MMRN1: variants seen among roughly 807,000 people sequenced by gnomAD.
The protein encoded by MMRN1 is multimerin-1.
MMRN1 carries 94 observed loss-of-function variants against 100.7 expected under a neutral mutation model. The ratio of observed to expected loss-of-function variants is 0.93; its 90% CI spans 0.79 to 1.11. MMRN1 has a LOEUF of 1.11. Ranked by LOEUF, MMRN1 falls within the 50% of genes least tolerant of loss-of-function variation. The pLI is 0.00. For missense variants in MMRN1, 1,606 were observed against 1,439.1 expected (o/e 1.12, Z -1.88); for synonymous variants, 575 against 505.0 (o/e 1.14, Z -1.86).
At chr4:89,908,946 A>G (rs1021643087) in intron 1 of MMRN1, among the ~76,000 whole-genome samples, 1 of 151,218 alleles carries the variant, frequency 6.6e-6, no homozygotes, top group Non-Finnish European at 1.5e-5. Context: ...TGAGTTTTTT[A>G]TCTCAGTACT....
chr4:89,944,457 A>AAAAAATT (rs1392565851), intron 6 of MMRN1, among the ~76,000 whole-genome samples: 7 of 152,240 alleles, frequency 4.6e-5, no homozygotes, highest in African/African-American at 1.7e-4. Flanking sequence ...AAGTTTGTCC[A>AAAAAATT]AAAAATTAAA....
intron 1 of MMRN1, among the ~76,000 whole-genome samples, chr4:89,884,835 A>G (rs1720902397): frequency 6.6e-6 from 1 of 152,066 alleles, no homozygotes; most frequent in Admixed American, 6.6e-5. Flanking sequence ...AGCACTTTAC[A>G]TTTTCCTTTC....
At chr4:89,938,002 T>G (rs959842066) in intron 6 of MMRN1, among the ~76,000 whole-genome samples, 63 of 152,222 alleles carry the variant, frequency 4.1e-4, no homozygotes, top group African/African-American at 1.4e-3. Flanking sequence ...CAAAAAGTAA[T>G]GGCTGTGTTT....
intron 1 of MMRN1, among the ~76,000 whole-genome samples, chr4:89,901,054 T>C (rs1302228604): frequency 2.0e-5 from 3 of 151,830 alleles, no homozygotes; most frequent in Non-Finnish European, 4.4e-5. Flanking sequence ...TAGCCACTAT[T>C]TCAGTTTAGT....
intron 4 of MMRN1, among the ~76,000 whole-genome samples, chr4:89,925,736 AG>A (rs1487203921): frequency 6.6e-6 from 1 of 152,016 alleles, no homozygotes; most frequent in Admixed American, 6.6e-5. Context: ...AGGCTGAGGC[AG>A]GGGAATCGCT....
intron 1 of MMRN1, among the ~76,000 whole-genome samples, chr4:89,889,223 T>C (rs1367886300): frequency 6.6e-6 from 1 of 152,140 alleles, no homozygotes; most frequent in East Asian, 1.9e-4. Context: ...AATTTTGAGA[T>C]CTGAGCACAG....
Position 89,951,749 on chromosome 4 carries a change from C to A in MMRN1, c.3263C>A (p.Pro1088Gln). 6.2e-7 allele frequency: 1 copy of A among 1,609,974 alleles called. No individual in the cohort carries two copies. The highest frequency in any genetic ancestry group is 1.1e-5 in the South Asian group (1 of 90,484). The change falls in exon 7 of 8, where the codon CCA (proline) becomes CAA (glutamine). Residue 1088 changes from proline to glutamine, a missense_variant and splice_region_variant. Coordinates refer to ENST00000264790, the MANE Select transcript of MMRN1 (RefSeq NM_007351.3). ...CTTGTGGAAGAAAATGCTTTAGCTC[C>A]AGGTAAAAAAAAAGTATACGCATCT... ...IKLVEENALA[P>Q]DFSKGSYRYA...
At chr4:89,951,850 T>G in intron 7 of MMRN1, 99 bp downstream of exon 7, 1 of 1,311,540 alleles carries the variant, frequency 7.6e-7, no homozygotes, top group Non-Finnish European at 1.0e-6. Context: ...CTGCTTAATC[T>G]GGATCCACTT....
In MMRN1 at chr4:89,953,465, G is replaced by T; in HGVS notation, c.*47G>T. 2 of 1,495,326 alleles carry T rather than the reference G, an allele frequency of 1.3e-6. No individual in the cohort carries two copies. Among genetic ancestry groups the T allele is most frequent in the African/African-American group, 1.4e-5 (1 of 71,188 alleles). 92.6% of individuals were successfully genotyped at this position (1,495,326 alleles called of 1,614,324 possible). A position where few individuals can be genotyped will look rare whatever the true frequency, so the allele number is the denominator to read the frequency against. On this transcript the variant is annotated 3_prime_UTR_variant, in exon 8 of 8. Transcript: ENST00000264790. The stretch of plus-strand genomic sequence containing the variant: ...TCACCTTTATTGAGAAACAGCCAGT[G>T]TTTTCATTTATCTTTGCTTGCACAT...
At chr4:89,880,716 C>T (rs932535504) in intron 1 of MMRN1, among the ~76,000 whole-genome samples, 14 of 152,188 alleles carry the variant, frequency 9.2e-5, no homozygotes, top group African/African-American at 2.6e-4. Flanking sequence ...ACCAATATCT[C>T]GCTTTACATT....
At chr4:89,943,840 A>C (rs992830176) in intron 6 of MMRN1, among the ~76,000 whole-genome samples, 2 of 152,106 alleles carry the variant, frequency 1.3e-5, no homozygotes, top group African/African-American at 2.4e-5. Context: ...AAATACAAAA[A>C]TTAGCCAGGT....
At chr4:89,944,621 G>A (rs11943369) in intron 6 of MMRN1, among the ~76,000 whole-genome samples, 4,956 of 152,228 alleles carry the variant, frequency 0.033, 248 homozygotes, top group African/African-American at 0.11. Context: ...GGCAGGCAAA[G>A]CGATGTTAAG....
In MMRN1 at chr4:89,939,573, G is replaced by A. The variant is rs115422220; in HGVS notation, c.3118+2775G>A. On this transcript the variant is annotated intron_variant, in intron 6 of 7. Transcript: ENST00000264790. ...CTGAAGATGAGTAAACTGACCCTCG[G>A]AGACATTAACTAAAGTATCCTGCCT... Among the ~76,000 whole-genome samples, 568 of 152,120 alleles carry A rather than the reference G, an allele frequency of 3.7e-3. 5 individuals are homozygous for A. Among genetic ancestry groups the A allele is most frequent in the African/African-American group, 0.013 (537 of 41,516 alleles).
chr4:89,940,686 A>G (rs1465517309), intron 6 of MMRN1, among the ~76,000 whole-genome samples: 1 of 152,172 alleles, frequency 6.6e-6, no homozygotes. Flanking sequence ...TAAGAATAAC[A>G]TACAAACCTT....
chr4:89,950,854 C>G (rs980347408), intron 6 of MMRN1, among the ~76,000 whole-genome samples: 1 of 151,996 alleles, frequency 6.6e-6, no homozygotes. Context: ...CCACCATACC[C>G]GGCCTCATTT....
intron 7 of MMRN1, 22 bp downstream of exon 7, chr4:89,951,773 C>G (rs1723188742): frequency 6.2e-7 from 1 of 1,606,350 alleles, no homozygotes; most frequent in Non-Finnish European, 8.5e-7. Context: ...GTATACGCAT[C>G]TTTGGATTTG....
intron 5 of MMRN1, among the ~76,000 whole-genome samples, chr4:89,930,609 T>C (rs1041937081): frequency 2.0e-5 from 3 of 152,064 alleles, no homozygotes; most frequent in Admixed American, 2.0e-4. Context: ...AAATATTTTA[T>C]TATATTTCAT....
intron 5 of MMRN1, among the ~76,000 whole-genome samples, chr4:89,933,367 T>C (rs535280274): frequency 6.6e-6 from 1 of 152,298 alleles, no homozygotes; most frequent in East Asian, 1.9e-4. Context: ...TGTTCCCACC[T>C]CTGCCCGTTA....
intron 2 of MMRN1, among the ~76,000 whole-genome samples, chr4:89,909,806 T>C (rs1166347442): frequency 1.3e-5 from 2 of 151,454 alleles, no homozygotes; most frequent in African/African-American, 4.8e-5. Flanking sequence ...ATAACTTGGT[T>C]CATATTCTAA....
Sources: gnomAD v4.1 joint callset for allele counts (sites outside exome capture counted in the v4.1 genomes callset) on GRCh38, gnomAD v4.1.1 for gene constraint, MANE v1.5 for transcripts, NCBI Gene and HGNC (gene_info 2026-07-23, HGNC 2026-07-21) for gene names.